The following CPD variants were observed in gnomAD, a reference collection of about 807,000 sequenced individuals.
CPD encodes the protein metallocarboxypeptidase D.
A neutral mutation model predicts 138.3 loss-of-function variants in CPD; 69 were observed. The observed-to-expected ratio is 0.50, with a 90% CI of 0.41 to 0.61. CPD has a LOEUF of 0.61. Ranked by LOEUF, CPD falls within the 20% of genes least tolerant of loss-of-function variation. The probability of loss-of-function intolerance (pLI) is 0.00; values close to 1 mark genes in which losing one functional copy is unlikely to be tolerated. For synonymous variants in CPD, 651 were observed against 642.1 expected, an observed-to-expected ratio of 1.01 and a Z score of -0.21; for missense variants, 1,432 against 1,733.3, an observed-to-expected ratio of 0.83 and a Z score of 3.09.
intron 2 of CPD, among the ~76,000 whole-genome samples, chr17:30,412,046 T>C (rs1016921233): frequency 2.6e-5 from 4 of 152,184 alleles, no homozygotes; most frequent in African/African-American, 9.6e-5. Flanking sequence ...GGGGTTTTGG[T>C]GTGGATGTCC....
At chr17:30,437,739 A>G (rs919386704) in intron 8 of CPD, among the ~76,000 whole-genome samples, 1 of 149,676 alleles carries the variant, frequency 6.7e-6, no homozygotes, top group African/African-American at 2.5e-5. Flanking sequence ...GCATATAATT[A>G]TTACAGTAAT....
intron 2 of CPD, among the ~76,000 whole-genome samples, chr17:30,405,723 C>T (rs72809807): frequency 0.022 from 3,350 of 152,084 alleles, 48 homozygotes; most frequent in Non-Finnish European, 0.035. Flanking sequence ...CAATGCAGGT[C>T]CCCTCTTAAA....
At chr17:30,463,330 A>G (rs1913544362) in intron 20 of CPD, among the ~76,000 whole-genome samples, 1 of 152,134 alleles carries the variant, frequency 6.6e-6, no homozygotes, top group Admixed American at 6.5e-5. Flanking sequence ...TCTCCCACTA[A>G]AACATAAGTT....
At chr17:30,458,644 A>G (rs1038893308) in intron 17 of CPD, among the ~76,000 whole-genome samples, 5 of 152,010 alleles carry the variant, frequency 3.3e-5, no homozygotes, top group African/African-American at 1.2e-4. Flanking sequence ...AGGTGGGTGG[A>G]TCATTTGATG....
chr17:30,395,250 GTTT>G (rs1911471737), intron 2 of CPD, among the ~76,000 whole-genome samples: 1 of 119,176 alleles, frequency 8.4e-6, no homozygotes, highest in East Asian at 2.5e-4. Context: ...GTACTGGGAT[GTTT>G]TCCTTAAGGA....
intron 12 of CPD, chr17:30,447,479 G>C (rs1191705225): frequency 6.6e-6 from 1 of 152,124 alleles, no homozygotes; most frequent in Non-Finnish European, 1.5e-5. Context: ...TGCTCTTCCT[G>C]ATAATTATTT....
intron 2 of CPD, among the ~76,000 whole-genome samples, chr17:30,392,009 T>C (rs1315669025): frequency 1.5e-5 from 2 of 136,404 alleles, no homozygotes; most frequent in African/African-American, 5.3e-5. Flanking sequence ...TTGGATAATC[T>C]TTTTTTTTTT....
chr17:30,437,982 A>C (rs562327575), intron 8 of CPD, among the ~76,000 whole-genome samples: 1 of 145,828 alleles, frequency 6.9e-6, no homozygotes, highest in African/African-American at 2.5e-5. Context: ...TTCTACAGAC[A>C]TGTAGCACCA....
intron 2 of CPD, among the ~76,000 whole-genome samples, chr17:30,401,510 G>T (rs1436571862): frequency 6.6e-6 from 1 of 150,526 alleles, no homozygotes; most frequent in Non-Finnish European, 1.5e-5. Context: ...GTGAGACAGA[G>T]TTTGGCTGTG....
chr17:30,418,027 G>A (rs2143403263), intron 2 of CPD, among the ~76,000 whole-genome samples: 1 of 152,060 alleles, frequency 6.6e-6, no homozygotes, highest in East Asian at 1.9e-4. Flanking sequence ...TGACTGCAGT[G>A]CTCCTGAACC....
In CPD at chr17:30,456,311, A is replaced by C; in HGVS notation, c.3393A>C (p.Pro1131=). ...HLASLYANNH[P]SMHMGQPSCP... Reference sequence around the variant, plus strand: ...CATCTCTTTATGCAAATAATCATCCATCCATGCACATGGGTCAGCCCAGTT... The same window carrying C: ...CATCTCTTTATGCAAATAATCATCCCTCCATGCACATGGGTCAGCCCAGTT... Residue 1131 remains proline (P), a synonymous_variant, in exon 16 of 21, where the codon CCA becomes CCC. Coordinates refer to ENST00000225719, the MANE Select transcript of CPD (RefSeq NM_001304.5). 1 of 1,614,240 alleles carries C rather than the reference A, an allele frequency of 6.2e-7. No individual in the cohort carries two copies. The highest frequency in any genetic ancestry group is 8.5e-7 in the Non-Finnish European group (1 of 1,180,038).
At chr17:30,460,237 A>G (rs1913433218) in intron 17 of CPD, among the ~76,000 whole-genome samples, 1 of 152,216 alleles carries the variant, frequency 6.6e-6, no homozygotes, top group Non-Finnish European at 1.5e-5. Flanking sequence ...TATGGGGTGT[A>G]ATGCAGAGCC....
At position 30,469,801 on chromosome 17, in the gene CPD, G is replaced by A. The variant is rs986796962; in HGVS notation, c.*4987G>A. On this transcript the variant is annotated 3_prime_UTR_variant, in exon 21 of 21. Transcript: ENST00000225719. ...GTTACTTAACTGCTACAGGAAGTGT[G>A]AATAGTGATAACAGTTCTTTTTCTC... 3 of 152,152 alleles carry A rather than the reference G, an allele frequency of 2.0e-5. No individual in the cohort carries two copies. The highest frequency in any genetic ancestry group is 4.4e-5 in the Non-Finnish European group (3 of 68,004). The allele number at this position is 152,152 out of a possible 1,614,324, so 9.4% of individuals were successfully genotyped here. A position where few individuals can be genotyped will look rare whatever the true frequency, so the allele number is the denominator to read the frequency against.
At chr17:30,455,210 GAAATA>G (rs1038238555) in intron 14 of CPD, 124 bp from the exon 15 acceptor site, 2 of 781,526 alleles carry the variant, frequency 2.6e-6, no homozygotes, top group South Asian at 1.9e-5. Flanking sequence ...GGCTTATGGA[GAAATA>G]AAATATTTAT....
chr17:30,414,046 G>A (rs569955509), intron 2 of CPD, among the ~76,000 whole-genome samples: 3 of 152,302 alleles, frequency 2.0e-5, no homozygotes, highest in African/African-American at 7.2e-5. Flanking sequence ...AGCCAGTGAT[G>A]GAGAGAGTAT....
chr17:30,419,965 C>T (rs1020039264), intron 2 of CPD, among the ~76,000 whole-genome samples: 1 of 152,206 alleles, frequency 6.6e-6, no homozygotes, highest in Non-Finnish European at 1.5e-5. Flanking sequence ...AAAGATGACC[C>T]TTAAAATCCA....
chr17:30,446,473 G>C (rs1913034443), intron 12 of CPD, among the ~76,000 whole-genome samples: 1 of 152,072 alleles, frequency 6.6e-6, no homozygotes, highest in Admixed American at 6.6e-5. Context: ...ATGGTTTCCA[G>C]CTTCATCCAT....
chr17:30,404,933 A>G (rs1434434150), intron 2 of CPD, among the ~76,000 whole-genome samples: 2 of 152,142 alleles, frequency 1.3e-5, no homozygotes, highest in African/African-American at 4.8e-5. Context: ...CTGAGAGAGT[A>G]AAAACATTTA....
At chr17:30,396,626 C>T (rs998308450) in intron 2 of CPD, among the ~76,000 whole-genome samples, 2 of 152,102 alleles carry the variant, frequency 1.3e-5, no homozygotes, top group South Asian at 2.1e-4. Flanking sequence ...TGCTACAAAT[C>T]GATTGAAAGA....
Sources: allele counts gnomAD v4.1 joint callset (sites outside exome capture counted in the v4.1 genomes callset), GRCh38; gene constraint gnomAD v4.1.1; transcripts MANE v1.5; gene names NCBI Gene and HGNC (gene_info 2026-07-23, HGNC 2026-07-21).